The following TROAP variants were observed in gnomAD, a reference collection of about 807,000 sequenced individuals.
The protein encoded by TROAP is tastin.
Under a neutral mutation model 83.4 loss-of-function variants are expected in TROAP, and 62 were observed. The observed-to-expected ratio is 0.74, with a 90% CI of 0.61 to 0.92. The LOEUF is 0.92. TROAP is among the 40% of genes least tolerant of loss of function. The pLI is 0.00. For missense variants in TROAP, 876 were observed against 985.1 expected (o/e 0.89, Z 1.48); for synonymous variants, 352 against 386.4 (o/e 0.91, Z 1.04).
Position 49,329,581 on chromosome 12 carries a change from T to A in TROAP, c.1164+127T>A. 3 of 1,174,424 alleles carry A rather than the reference T, an allele frequency of 2.6e-6. No homozygotes were observed. Among genetic ancestry groups the A allele is most frequent in the Non-Finnish European group, 3.6e-6 (3 of 831,434 alleles). 72.8% of individuals were successfully genotyped at this position (1,174,424 alleles called of 1,614,324 possible). A position where few individuals can be genotyped will look rare whatever the true frequency, so the allele number is the denominator to read the frequency against. On this transcript the variant is annotated intron_variant, in intron 11 of 14. Transcript: ENST00000257909. The surrounding 1 kb of genome is among the most constrained non-coding windows in gnomAD (Gnocchi z 4.5). ...TGGCTCACACCTGTAATCCCAGCAC[T>A]TTGGGAGGCTGAGGTAGGAGGATTG... is the stretch of plus-strand genomic sequence containing the variant.
In TROAP at chr12:49,329,961, A is replaced by G. The variant is rs146802594; in HGVS notation, c.1269A>G (p.Arg423=). ...CTCCTTCTGGACCCCACTCTAACAG[A>G]ACCCCCAGCCTCCAGGAGGTGAAGA... is the stretch of plus-strand genomic sequence containing the variant. ...VATPSGPHSN[R]TPSLQEVKIQ... is the part of the protein sequence containing the mutation. Residue 423 remains arginine, a synonymous_variant, in exon 12 of 15, where the codon AGA becomes AGG. Coordinates refer to ENST00000257909, the MANE Select transcript of TROAP (RefSeq NM_005480.4). This position sits in a 1 kb window ranked among gnomAD's most constrained non-coding sequence, Gnocchi z 4.5. The G allele has an allele frequency of 3.6e-4, 587 of 1,614,154 alleles. 1 individual carries two copies. The highest frequency in any genetic ancestry group is 2.6e-5 in the Non-Finnish European group (31 of 1,180,020).
At position 49,329,189 on chromosome 12, in the gene TROAP, C is replaced by T; in HGVS notation, c.1049C>T (p.Thr350Ile). Residue 350 changes from threonine (T) to isoleucine (I), a missense_variant, in exon 10 of 15, where the codon ACC (threonine) becomes ATC (isoleucine). Thr to Ile is a moderately conservative substitution (Grantham distance 89). Transcript: ENST00000257909. This position sits in a 1 kb window ranked among gnomAD's most constrained non-coding sequence, Gnocchi z 4.5. ...TCATATTCAGTGTTGCGGCGTCTCA[C>T]CGTTCAACCTAAAACCCGGTTCACA... ...LTSYSVLRRL[T>I]VQPKTRFTPM... 2 of 1,614,186 alleles carry T rather than the reference C, an allele frequency of 1.2e-6. No homozygotes were observed. Among genetic ancestry groups the T allele is most frequent in the Non-Finnish European group, 1.7e-6 (2 of 1,180,034 alleles).
At position 49,331,717 on chromosome 12, in the gene TROAP, A is replaced by ATATT; in HGVS notation, c.*100_*101insTATT. The ATATT allele has an allele frequency of 6.9e-7, 1 of 1,445,164 alleles. No homozygotes were observed. The highest frequency in any genetic ancestry group is 1.7e-5 in the Admixed American group (1 of 58,952). The allele number at this position is 1,445,164 out of a possible 1,614,324, so 89.5% of individuals were successfully genotyped here. ...GGAGCCGCCCACTTTTGTCCTCAAT[A>ATATT]AAGTTTCTAAAGTATCCACGTGTCT... On this transcript the variant is annotated 3_prime_UTR_variant, in exon 15 of 15. Transcript: ENST00000257909.
intron 3 of TROAP, 162 bp downstream of exon 3, chr12:49,324,199 C>G: frequency 6.2e-7 from 1 of 1,614,136 alleles, no homozygotes; most frequent in Non-Finnish European, 8.5e-7. Flanking sequence ...TAGAAGATCT[C>G]CCTTTCCTCC....
At position 49,331,031 on chromosome 12, in the gene TROAP, ATC is replaced by A. The variant is rs1445081876; in HGVS notation, c.2098+91_2098+92del. 3.8e-6 allele frequency: 6 copies of A among 1,566,692 alleles called. No individual in the cohort carries two copies. In the African/African-American group the frequency reaches 8.1e-5, roughly 21 times the overall value. Reference sequence around the variant, plus strand: ...ACCTGCCCTGCCCCTACCCCAGGCAATCTCATGCTTCCACACCTTCCACCCTG... The same window carrying A: ...ACCTGCCCTGCCCCTACCCCAGGCAATCATGCTTCCACACCTTCCACCCTG... On this transcript the variant is annotated intron_variant, in intron 13 of 14. Transcript: ENST00000257909.
chr12:49,331,522 G>A, intron 14 of TROAP, 51 bp from the exon 15 acceptor site: 1 of 1,614,080 alleles, frequency 6.2e-7, no homozygotes, highest in Non-Finnish European at 8.5e-7. Context: ...AGGAAGGCTT[G>A]GCTACAGTGC....
At chr12:49,327,180 T>C (rs1943512686) in intron 7 of TROAP, 29 bp from the exon 8 acceptor site, 1 of 1,613,146 alleles carries the variant, frequency 6.2e-7, no homozygotes, top group Non-Finnish European at 8.5e-7. Context: ...TGTTCTAGAG[T>C]CTACAACAAA....
At chr12:49,331,125 C>T in intron 13 of TROAP, 89 bp from the exon 14 acceptor site, 1 of 1,579,922 alleles carries the variant, frequency 6.3e-7, no homozygotes, top group Non-Finnish European at 8.6e-7. Context: ...TCCTAATTGG[C>T]TTGGCCGTTG....
rs1943584932 is a variant in TROAP at position 49,331,607 on chromosome 12, G to A, written c.2327G>A (p.Gly776Asp). 8 of 1,614,056 alleles carry A rather than the reference G, an allele frequency of 5.0e-6. No individual in the cohort carries two copies. The highest frequency in any genetic ancestry group is 6.8e-6 in the Non-Finnish European group (8 of 1,179,996). The change falls in exon 15 of 15, where the codon GGC becomes GAC. Residue 776 changes from glycine (G) to aspartate (D), a missense_variant. Coordinates refer to ENST00000257909, the MANE Select transcript of TROAP (RefSeq NM_005480.4). ...CCAGTTGGTTCTGCTGCCCCCCAGGGCTCTCCATGATGAGACAACCACTCC... is the reference window on the plus strand; with the variant it reads ...CCAGTTGGTTCTGCTGCCCCCCAGGACTCTCCATGATGAGACAACCACTCC... ...FIPVGSAAPQ[G>D]SP
chr12:49,323,793 T>G (rs745896457), intron 2 of TROAP, 41 bp downstream of exon 2: 10 of 1,613,810 alleles, frequency 6.2e-6, no homozygotes, highest in Non-Finnish European at 8.5e-6. Flanking sequence ...GTCACACCAG[T>G]AATGCACCCC....
Position 49,323,715 on chromosome 12 carries a change from C to A in TROAP, c.107C>A (p.Thr36Lys), listed in dbSNP as rs775865987. The A allele has an allele frequency of 1.2e-6, 2 of 1,614,156 alleles. No homozygotes were observed. Reference sequence around the variant, plus strand: ...AAACGCACGCCTTTCCCCACTGTTACATCGTGCGCCGTGGACCAGGAGAAC... The same window carrying A: ...AAACGCACGCCTTTCCCCACTGTTAAATCGTGCGCCGTGGACCAGGAGAAC... ...SQKRTPFPTV[T>K]SCAVDQENQD... The change falls in exon 2 of 15, where the codon ACA becomes AAA. Residue 36 changes from threonine (T) to lysine (K), a missense_variant. Physicochemically the swap from Thr to Lys is moderately conservative, Grantham distance 78. Coordinates refer to ENST00000257909, the MANE Select transcript of TROAP (RefSeq NM_005480.4).
chr12:49,323,479 G>C (rs1943433044), intron 1 of TROAP, 125 bp from the exon 2 acceptor site: 1 of 1,349,544 alleles, frequency 7.4e-7, no homozygotes, highest in African/African-American at 1.5e-5. Context: ...GGTCTTGCAG[G>C]CGCCGGGGGC....
chr12:49,325,990 A>T (rs1943494386), intron 5 of TROAP, 86 bp from the exon 6 acceptor site: 1 of 1,606,104 alleles, frequency 6.2e-7, no homozygotes, highest in Non-Finnish European at 8.5e-7. Context: ...AAGGGATCCT[A>T]CTGGGGGAGA....
rs941355414 is a variant in TROAP at position 49,329,219 on chromosome 12, T to C, written c.1079T>C (p.Met360Thr). 2.2e-5 allele frequency: 36 copies of C among 1,614,054 alleles called. No individual in the cohort carries two copies. The highest frequency in any genetic ancestry group is 2.8e-5 in the Non-Finnish European group (33 of 1,180,044). Residue 360 changes from methionine to threonine, a missense_variant, in exon 10 of 15, where the codon ATG becomes ACG. By Grantham distance (81) the Met-to-Thr change is moderately conservative. Coordinates refer to ENST00000257909, the MANE Select transcript of TROAP (RefSeq NM_005480.4). The surrounding 1 kb of genome is among the most constrained non-coding windows in gnomAD (Gnocchi z 4.5). ...TVQPKTRFTP[M>T]PSTPRVQQAQ... ...CAACCTAAAACCCGGTTCACACCCA[T>C]GCCATCAACCCCCAGAGTTCAGCAG...
intron 2 of TROAP, 27 bp downstream of exon 2, chr12:49,323,779 A>G: frequency 6.2e-7 from 1 of 1,614,120 alleles, no homozygotes. Flanking sequence ...GGGGGAAGAC[A>G]GTAGTCACAC....
At chr12:49,323,476 C>T in intron 1 of TROAP, 127 bp downstream of exon 1, 1 of 1,323,618 alleles carries the variant, frequency 7.6e-7, no homozygotes, top group Non-Finnish European at 1.0e-6. Flanking sequence ...AGCGGTCTTG[C>T]AGGCGCCGGG....
intron 3 of TROAP, 28 bp from the exon 4 acceptor site, chr12:49,325,469 CCCTT>C (rs1436522768): frequency 6.2e-7 from 1 of 1,604,386 alleles, no homozygotes; most frequent in East Asian, 2.2e-5. Context: ...TCAGCCTTCC[CCCTT>C]CCTTTTCCTT....
In TROAP at chr12:49,323,934, A is replaced by G. The variant is rs1303422171; in HGVS notation, c.234A>G (p.Thr78=). Residue 78 remains threonine, a synonymous_variant, in exon 3 of 15, where the codon ACA becomes ACG. Coordinates refer to ENST00000257909, the MANE Select transcript of TROAP (RefSeq NM_005480.4). ...PRPKARHQAE[T]SQRLVGISQP... ...CGAAAGCCAGGCACCAGGCAGAGAC[A>G]TCACAAAGATTGGTGGGGATCAGTC... 5.6e-6 allele frequency: 9 copies of G among 1,614,180 alleles called. No individual in the cohort carries two copies. The highest frequency in any genetic ancestry group is 7.6e-6 in the Non-Finnish European group (9 of 1,180,046).
intron 8 of TROAP, 40 bp from the exon 9 acceptor site, chr12:49,328,885 AAG>A (rs1187525871): frequency 2.0e-6 from 3 of 1,505,554 alleles, no homozygotes; most frequent in African/African-American, 2.8e-5. Flanking sequence ...TAGGAAGACA[AAG>A]GGGGCGGGGA....
Sources: gnomAD v4.1 joint callset for allele counts on GRCh38, gnomAD v4.1.1 for gene constraint, Gnocchi (gnomAD v3.1) non-coding constraint, MANE v1.5 for transcripts, NCBI Gene and HGNC (gene_info 2026-07-23, HGNC 2026-07-21) for gene names.